BLTP1: variants seen among roughly 807,000 people sequenced by gnomAD.
BLTP1 encodes the protein bridge-like lipid transfer protein family member 1.
At chr4:122,257,502 T>C in the BLTP1 span, 1 of 1,613,852 alleles carries the variant, frequency 6.2e-7, no homozygotes, top group Non-Finnish European at 8.5e-7. Context: ...GCAGGTAGTT[T>C]TGTAAGCCTC....
At chr4:122,219,678 C>A in the BLTP1 span, 1 of 696,140 alleles carries the variant, frequency 1.4e-6, no homozygotes, top group East Asian at 2.8e-5. Flanking sequence ...TTAGAAACTT[C>A]TAAATTTATT....
the BLTP1 span, among the ~76,000 whole-genome samples, chr4:122,322,536 C>G: frequency 6.6e-6 from 1 of 152,000 alleles, no homozygotes; most frequent in South Asian, 2.1e-4. Context: ...TGTTCTGTCT[C>G]TTTAGATTGT....
At chr4:122,201,162 A>AAATC in the BLTP1 span, 1 of 1,495,662 alleles carries the variant, frequency 6.7e-7, no homozygotes, top group Non-Finnish European at 9.2e-7. Flanking sequence ...AGTGAGATTT[A>AAATC]TCACAGTGAA....
chr4:122,163,786 G>C, the BLTP1 span, among the ~76,000 whole-genome samples: 5 of 152,298 alleles, frequency 3.3e-5, no homozygotes, highest in East Asian at 1.9e-4. Context: ...CCCAGGTGAA[G>C]CATAGTATAG....
the BLTP1 span, chr4:122,341,735 A>G: frequency 1.1e-4 from 106 of 985,194 alleles, no homozygotes; most frequent in Non-Finnish European, 1.3e-4. Context: ...GGTCAGTGCT[A>G]GGGCATAGTA....
the BLTP1 span, chr4:122,361,857 G>T: frequency 5.7e-5 from 14 of 245,134 alleles, no homozygotes; most frequent in Middle Eastern, 6.4e-3. Flanking sequence ...ATTATTTTTT[G>T]AATGCTATTA....
At chr4:122,322,298 C>T in the BLTP1 span, among the ~76,000 whole-genome samples, 1 of 151,850 alleles carries the variant, frequency 6.6e-6, no homozygotes, top group Non-Finnish European at 1.5e-5. Context: ...CTTTCCTCAG[C>T]CATGTCCAGT....
the BLTP1 span, chr4:122,315,311 A>T: frequency 9.8e-7 from 1 of 1,024,230 alleles, no homozygotes; most frequent in Non-Finnish European, 1.4e-6. Flanking sequence ...CACACTGTAC[A>T]CATAGAGAAA....
chr4:122,319,829 A>G, the BLTP1 span, among the ~76,000 whole-genome samples: 6 of 152,056 alleles, frequency 3.9e-5, no homozygotes, highest in East Asian at 1.9e-4. Context: ...GTGAGCCACC[A>G]TGCCTGGCCA....
the BLTP1 span, chr4:122,270,871 A>T: frequency 9.1e-7 from 1 of 1,097,076 alleles, no homozygotes; most frequent in Non-Finnish European, 1.3e-6. Flanking sequence ...GCCTAGTGAA[A>T]AAGCATATTT....
At chr4:122,174,318 A>G in the BLTP1 span, 3 of 984,964 alleles carry the variant, frequency 3.0e-6, no homozygotes, top group African/African-American at 1.7e-5. Context: ...GGAATTATCC[A>G]TACAAAGCAG....
chr4:122,220,371 C>T, the BLTP1 span: 1 of 1,613,284 alleles, frequency 6.2e-7, no homozygotes, highest in Non-Finnish European at 8.5e-7. Flanking sequence ...CTACAGCTTT[C>T]TTGGAAAGAC....
At chr4:122,216,143 C>A in the BLTP1 span, among the ~76,000 whole-genome samples, 1 of 148,154 alleles carries the variant, frequency 6.7e-6, no homozygotes, top group Admixed American at 6.9e-5. Flanking sequence ...ATCTATCTAT[C>A]TACCACATTT....
At chr4:122,356,215 T>C in the BLTP1 span, among the ~76,000 whole-genome samples, 97 of 152,328 alleles carry the variant, frequency 6.4e-4, no homozygotes, top group Non-Finnish European at 1.2e-3. Context: ...ACTTCATTTA[T>C]AGGACTATTA....
chr4:122,206,987 ATAAAATTTT>A, the BLTP1 span: 1 of 792,044 alleles, frequency 1.3e-6, no homozygotes, highest in South Asian at 1.8e-5. Flanking sequence ...ATATTTCAGT[ATAAAATTTT>A]TTTAGTTACA....
the BLTP1 span, chr4:122,349,128 A>C: frequency 6.4e-7 from 1 of 1,573,814 alleles, no homozygotes; most frequent in Non-Finnish European, 8.7e-7. This position sits in a 1 kb window ranked among gnomAD's most constrained non-coding sequence, Gnocchi z 4.5. Context: ...TGGAAGCTAT[A>C]TATATAATAA....
the BLTP1 span, chr4:122,229,155 A>G: frequency 6.2e-7 from 1 of 1,608,204 alleles, no homozygotes; most frequent in African/African-American, 1.3e-5. Flanking sequence ...CCAACTTCAG[A>G]TGATTTGAAA....
At chr4:122,180,943 A>G in the BLTP1 span, among the ~76,000 whole-genome samples, 5 of 152,238 alleles carry the variant, frequency 3.3e-5, no homozygotes, top group African/African-American at 4.8e-5. Flanking sequence ...AGAAAGGGAC[A>G]TACTTTACCA....
the BLTP1 span, chr4:122,361,949 C>T: frequency 6.7e-7 from 1 of 1,502,542 alleles, no homozygotes; most frequent in Non-Finnish European, 8.9e-7. Context: ...ATTATAGAGG[C>T]TTAGTGATGT....
Sources: gnomAD v4.1 joint callset for allele counts (sites outside exome capture counted in the v4.1 genomes callset) on GRCh38, gnomAD v4.1.1 for gene constraint, Gnocchi (gnomAD v3.1) non-coding constraint, MANE v1.5 for transcripts, NCBI Gene and HGNC (gene_info 2026-07-23, HGNC 2026-07-21) for gene names.